The following TRPM3 variants were observed in gnomAD, a reference collection of about 807,000 sequenced individuals.
The protein encoded by TRPM3 is transient receptor potential cation channel subfamily M member 3.
A neutral mutation model predicts 181.2 loss-of-function variants in TRPM3; 77 were observed. The ratio of observed to expected loss-of-function variants is 0.42; its 90% CI spans 0.35 to 0.51. The LOEUF is 0.51. TRPM3 is among the 20% of genes least tolerant of loss of function. The pLI is 0.01. For synonymous variants in TRPM3, 745 were observed against 796.4 expected (o/e 0.94, Z 1.09); for missense variants, 1,759 against 2,196.7 (o/e 0.80, Z 3.98).
At chr9:70,621,866 A>T (rs572648683) in intron 14 of TRPM3, among the ~76,000 whole-genome samples, 1 of 150,668 alleles carries the variant, frequency 6.6e-6, no homozygotes, top group East Asian at 1.9e-4. Context: ...CTGAGAATAG[A>T]GCCTGCAGGT....
intron 20 of TRPM3, among the ~76,000 whole-genome samples, chr9:70,599,695 C>T (rs1405243372): frequency 6.6e-6 from 1 of 152,190 alleles, no homozygotes; most frequent in Non-Finnish European, 1.5e-5. Flanking sequence ...TCAAATGTCC[C>T]CTTTTTAGGA....
At chr9:71,083,635 G>T (rs1458955712) in intron 1 of TRPM3, among the ~76,000 whole-genome samples, 2 of 151,322 alleles carry the variant, frequency 1.3e-5, no homozygotes, top group African/African-American at 4.9e-5. Context: ...TTTTTTTGCT[G>T]TAATCAGTAG....
intron 9 of TRPM3, among the ~76,000 whole-genome samples, chr9:70,652,724 T>C (rs374142651): frequency 2.0e-5 from 3 of 152,042 alleles, no homozygotes; most frequent in East Asian, 3.9e-4. Flanking sequence ...CCCCTCAAAG[T>C]AGAAAATAGT....
chr9:71,027,601 C>T (rs1047333446), intron 1 of TRPM3, among the ~76,000 whole-genome samples: 7 of 152,090 alleles, frequency 4.6e-5, no homozygotes, highest in African/African-American at 1.7e-4. Flanking sequence ...ACAAAGTAGC[C>T]AGGATCAAAA....
intron 1 of TRPM3, among the ~76,000 whole-genome samples, chr9:71,175,483 G>A (rs1180404075): frequency 2.0e-5 from 3 of 152,192 alleles, no homozygotes; most frequent in Non-Finnish European, 4.4e-5. Context: ...AGACAGGGAT[G>A]TGTGTGATAG....
intron 1 of TRPM3, among the ~76,000 whole-genome samples, chr9:71,412,212 CA>C (rs2093563614): frequency 6.6e-6 from 1 of 152,046 alleles, no homozygotes; most frequent in African/African-American, 2.4e-5. Flanking sequence ...ACTAAAACAC[CA>C]AAAGCAATGG....
chr9:70,680,968 A>G (rs2065273013), intron 9 of TRPM3, among the ~76,000 whole-genome samples: 1 of 152,172 alleles, frequency 6.6e-6, no homozygotes, highest in South Asian at 2.1e-4. Context: ...GCAGAGTATT[A>G]CCATTTTTGC....
At chr9:71,366,445 T>C (rs2092337639) in intron 1 of TRPM3, among the ~76,000 whole-genome samples, 1 of 152,072 alleles carries the variant, frequency 6.6e-6, no homozygotes, top group African/African-American at 2.4e-5. Context: ...CAGGGTCTCA[T>C]AGCCTAAGTA....
intron 22 of TRPM3, among the ~76,000 whole-genome samples, chr9:70,590,296 C>A (rs1157630188): frequency 6.6e-6 from 1 of 152,174 alleles, no homozygotes; most frequent in African/African-American, 2.4e-5. Context: ...AAACTCCATA[C>A]AAAAGGAGTG....
At chr9:71,396,371 A>G (rs12335831) in intron 1 of TRPM3, among the ~76,000 whole-genome samples, 67,863 of 151,640 alleles carry the variant, frequency 0.45, 15,389 homozygotes, top group South Asian at 0.52. Context: ...TCAAGGCACA[A>G]ATTTATTTAA....
chr9:71,356,028 G>A (rs187100871), intron 1 of TRPM3, among the ~76,000 whole-genome samples: 7 of 152,168 alleles, frequency 4.6e-5, no homozygotes, highest in African/African-American at 9.6e-5. Context: ...GCTTCAATGC[G>A]TTCTCATTCC....
chr9:70,852,059 C>T (rs559908856), intron 3 of TRPM3, among the ~76,000 whole-genome samples: 4 of 126,310 alleles, frequency 3.2e-5, no homozygotes, highest in East Asian at 2.8e-4. Context: ...GTGGAGGTTG[C>T]GGTGAGCTGA....
intron 22 of TRPM3, among the ~76,000 whole-genome samples, chr9:70,587,895 G>A (rs529198533): frequency 3.3e-4 from 51 of 152,248 alleles, no homozygotes; most frequent in African/African-American, 1.2e-3. Flanking sequence ...GCATTCCCAC[G>A]AATTAAATCA....
At chr9:70,841,199 A>G (rs2094604183) in intron 5 of TRPM3, among the ~76,000 whole-genome samples, 4 of 152,164 alleles carry the variant, frequency 2.6e-5, no homozygotes, top group Admixed American at 2.0e-4. Flanking sequence ...ATATTACATG[A>G]AAGACTAGCC....
At chr9:70,545,650 G>A (rs901099253) in intron 25 of TRPM3, among the ~76,000 whole-genome samples, 15 of 141,186 alleles carry the variant, frequency 1.1e-4, no homozygotes, top group Non-Finnish European at 1.8e-4. Flanking sequence ...GGGTTCAAGC[G>A]ATTTTCCTGC....
chr9:71,298,184 T>C (rs2086458935), intron 1 of TRPM3, among the ~76,000 whole-genome samples: 1 of 152,176 alleles, frequency 6.6e-6, no homozygotes, highest in South Asian at 2.1e-4. Context: ...GGGGTGTCAC[T>C]ATAAATATCA....
At chr9:71,120,109 C>T (rs2073293347) in intron 1 of TRPM3, among the ~76,000 whole-genome samples, 1 of 152,198 alleles carries the variant, frequency 6.6e-6, no homozygotes, top group African/African-American at 2.4e-5. Context: ...AACCAGAACA[C>T]ATCCTCAGAA....
chr9:70,613,766 CTT>C (rs1445785205), intron 18 of TRPM3, among the ~76,000 whole-genome samples: 1 of 152,188 alleles, frequency 6.6e-6, no homozygotes, highest in Admixed American at 6.5e-5. Flanking sequence ...GGTCTATTCT[CTT>C]GTTACTAAAC....
intron 9 of TRPM3, among the ~76,000 whole-genome samples, chr9:70,659,045 C>A (rs1021765351): frequency 1.3e-5 from 2 of 151,972 alleles, no homozygotes; most frequent in African/African-American, 2.4e-5. Flanking sequence ...TTCTCTCTAC[C>A]TGATTTCTCC....
Sources: gnomAD v4.1 joint callset for allele counts (sites outside exome capture counted in the v4.1 genomes callset) on GRCh38, gnomAD v4.1.1 for gene constraint, MANE v1.5 for transcripts, NCBI Gene and HGNC (gene_info 2026-07-23, HGNC 2026-07-21) for gene names.